FBN2: variants seen among roughly 807,000 people sequenced by gnomAD.
The protein encoded by FBN2 is fibrillin 2.
A neutral mutation model predicts 355.6 loss-of-function variants in FBN2; 105 were observed. The ratio of observed to expected loss-of-function variants is 0.30; its 90% CI spans 0.25 to 0.35. FBN2 has a LOEUF of 0.35. Ranked by LOEUF, FBN2 falls within the 10% of genes least tolerant of loss-of-function variation. The pLI, the probability that FBN2 is intolerant of heterozygous loss-of-function variation, is 1.00. For missense variants in FBN2, 3,280 were observed against 3,758.7 expected (o/e 0.87, Z 3.33); for synonymous variants, 1,350 against 1,301.2 (o/e 1.04, Z -0.81).
rs72785109 is a variant in FBN2, at chr5:128,291,867, C to T, written c.6167-213G>A. 0.071 allele frequency among the ~76,000 whole-genome samples: 10,824 copies of T among 152,140 alleles called. 457 individuals are homozygous for T. The highest frequency in any genetic ancestry group is 0.1 in the South Asian group (492 of 4,818). Reference sequence around the variant, plus strand: ...CCAGAGAGTCCCAAGTCCATGTCCACCTTCCTGTCTTTGATCTTTAGGGGT... The same window carrying T: ...CCAGAGAGTCCCAAGTCCATGTCCATCTTCCTGTCTTTGATCTTTAGGGGT... On this transcript the variant is annotated intron_variant, in intron 48 of 64. Transcript: ENST00000262464.
chr5:128,439,841 A>G (rs1753869558), intron 7 of FBN2, among the ~76,000 whole-genome samples: 1 of 152,070 alleles, frequency 6.6e-6, no homozygotes, highest in East Asian at 1.9e-4. Flanking sequence ...GCTCATGATT[A>G]TTTTTAGTAT....
intron 6 of FBN2, among the ~76,000 whole-genome samples, chr5:128,448,891 C>T (rs1389140731): frequency 6.6e-6 from 1 of 151,992 alleles, no homozygotes; most frequent in East Asian, 1.9e-4. Flanking sequence ...AAATTATCAT[C>T]CTATCCTTTA....
chr5:128,506,119 T>C (rs1320926527), intron 5 of FBN2, among the ~76,000 whole-genome samples: 1 of 152,168 alleles, frequency 6.6e-6, no homozygotes, highest in East Asian at 1.9e-4. Flanking sequence ...CATCTCATTG[T>C]GATTTTAGTT....
intron 7 of FBN2, among the ~76,000 whole-genome samples, chr5:128,439,390 C>T (rs957272945): frequency 6.6e-6 from 1 of 152,074 alleles, no homozygotes; most frequent in Non-Finnish European, 1.5e-5. Context: ...AACACCCTCA[C>T]CAATACAGTT....
intron 5 of FBN2, among the ~76,000 whole-genome samples, chr5:128,499,895 C>A (rs1755759218): frequency 6.6e-6 from 1 of 151,962 alleles, no homozygotes; most frequent in Non-Finnish European, 1.5e-5. Context: ...TAAGGCTTTG[C>A]CCATATGCAA....
At chr5:128,270,210 A>G (rs1235471678) in intron 62 of FBN2, among the ~76,000 whole-genome samples, 1 of 152,186 alleles carries the variant, frequency 6.6e-6, no homozygotes, top group African/African-American at 2.4e-5. Context: ...TGGATTAAAG[A>G]CTTAAAACCC....
At chr5:128,364,479 T>C (rs1751716897) in intron 18 of FBN2, 121 bp downstream of exon 18, 5 of 1,050,972 alleles carry the variant, frequency 4.8e-6, no homozygotes, top group South Asian at 1.6e-5. Flanking sequence ...ATGTGTAATA[T>C]GAAGAAAACA....
intron 37 of FBN2, 57 bp from the exon 38 acceptor site, chr5:128,312,010 A>G (rs1472362500): frequency 4.2e-6 from 5 of 1,200,778 alleles, no homozygotes. Flanking sequence ...GGCTGAGACA[A>G]TGAGCAAGCA....
At chr5:128,516,326 A>C (rs1266819789) in intron 5 of FBN2, among the ~76,000 whole-genome samples, 1 of 152,174 alleles carries the variant, frequency 6.6e-6, no homozygotes, top group Non-Finnish European at 1.5e-5. Flanking sequence ...TGCTATGGCC[A>C]CAAATGAGCT....
intron 5 of FBN2, among the ~76,000 whole-genome samples, chr5:128,494,709 T>C (rs895298606): frequency 1.3e-5 from 2 of 152,124 alleles, no homozygotes; most frequent in Non-Finnish European, 2.9e-5. Flanking sequence ...ACTGTGCCTC[T>C]GGGGGGCAGC....
At chr5:128,395,791 CAG>C (rs1752636405) in intron 8 of FBN2, among the ~76,000 whole-genome samples, 1 of 152,130 alleles carries the variant, frequency 6.6e-6, no homozygotes, top group African/African-American at 2.4e-5. Context: ...GACTAGAGAA[CAG>C]CATGTGGAAG....
At chr5:128,316,045 A>G (rs950408151) in intron 36 of FBN2, among the ~76,000 whole-genome samples, 1 of 152,212 alleles carries the variant, frequency 6.6e-6, no homozygotes, top group African/African-American at 2.4e-5. Flanking sequence ...GCCAAAAATT[A>G]TGGCCAGTAA....
intron 12 of FBN2, 120 bp from the exon 13 acceptor site, chr5:128,377,997 G>C: frequency 1.2e-6 from 1 of 843,028 alleles, no homozygotes; most frequent in Non-Finnish European, 1.8e-6. Context: ...CAAAATTTCT[G>C]TCTCTCAGCA....
chr5:128,392,153 T>C lies in FBN2; in HGVS notation c.1468A>G (p.Ile490Val), dbSNP rs764980413. Reference sequence around the variant, plus strand: ...CAGATATCTATTGTCTGGTTCAGAATTGCTACGGAAAATTAAAGCACAATT... The same window carrying C: ...CAGATATCTATTGTCTGGTTCAGAACTGCTACGGAAAATTAAAGCACAATT... ...GQGPIITGLT[I>V]LNQTIDICKH... is the part of the protein sequence containing the mutation. The change falls in exon 11 of 65, where the codon ATT becomes GTT. Residue 490 changes from isoleucine to valine, a missense_variant and splice_region_variant. This residue lies in a region of FBN2 where 343 missense variants were observed against 331.0 expected (regional missense o/e 1.04). Coordinates refer to ENST00000262464, the MANE Select transcript of FBN2 (RefSeq NM_001999.4). 2 of 1,613,404 alleles carry C rather than the reference T, an allele frequency of 1.2e-6. No homozygotes were observed. Among genetic ancestry groups the C allele is most frequent in the Non-Finnish European group, 1.7e-6 (2 of 1,179,484 alleles).
Position 128,323,075 on chromosome 5 carries a change from T to C in FBN2, c.4472-4074A>G, listed in dbSNP as rs1298301365. Among the ~76,000 whole-genome samples, 3 of 152,014 alleles carry C rather than the reference T, an allele frequency of 2.0e-5. No individual in the cohort carries two copies. The East Asian group carries it at 5.8e-4, about 29-fold the overall frequency. On this transcript the variant is annotated intron_variant, in intron 34 of 64. Coordinates refer to ENST00000262464, the MANE Select transcript of FBN2 (RefSeq NM_001999.4). ...ACTCATGATTTGGCTATTATTGGTG[T>C]ATAGGAATGCTTGTGATTTTTGCAC...
At chr5:128,532,593 G>A (rs1026948665) in intron 2 of FBN2, among the ~76,000 whole-genome samples, 1 of 152,212 alleles carries the variant, frequency 6.6e-6, no homozygotes, top group Non-Finnish European at 1.5e-5. Context: ...GAAACTGGCT[G>A]TAGTTAGGGA....
chr5:128,487,487 C>A (rs1370827376), intron 5 of FBN2, among the ~76,000 whole-genome samples: 2 of 152,130 alleles, frequency 1.3e-5, no homozygotes. Flanking sequence ...ATCAGTATCT[C>A]AAAAACCTCT....
At chr5:128,355,966 C>T (rs1351271694) in intron 20 of FBN2, among the ~76,000 whole-genome samples, 1 of 152,122 alleles carries the variant, frequency 6.6e-6, no homozygotes. Flanking sequence ...CATGATGAGG[C>T]AAAAACTATC....
At chr5:128,296,249 T>C (rs1371522001) in intron 48 of FBN2, among the ~76,000 whole-genome samples, 1 of 151,210 alleles carries the variant, frequency 6.6e-6, no homozygotes, top group Non-Finnish European at 1.5e-5. Context: ...CAGTATTTTA[T>C]TGAGGATTTT....
Sources: allele counts gnomAD v4.1 joint callset (sites outside exome capture counted in the v4.1 genomes callset), GRCh38; gene constraint gnomAD v4.1.1; regional missense constraint gnomAD v4.1.1; transcripts MANE v1.5; gene names NCBI Gene and HGNC (gene_info 2026-07-23, HGNC 2026-07-21).